Variants in SPATA13 observed in about 807,000 individuals in gnomAD.
SPATA13 encodes spermatogenesis-associated protein 13.
A neutral mutation model predicts 104.0 loss-of-function variants in SPATA13; 50 were observed. The ratio of observed to expected loss-of-function variants is 0.48; its 90% CI spans 0.38 to 0.61. The LOEUF is 0.61. Ranked by LOEUF, SPATA13 falls within the 20% of genes least tolerant of loss-of-function variation. The pLI is 0.00. For synonymous variants in SPATA13, 606 were observed against 667.5 expected, an observed-to-expected ratio of 0.91 and a Z score of 1.42; for missense variants, 1,524 against 1,690.6, an observed-to-expected ratio of 0.90 and a Z score of 1.73.
intron 3 of SPATA13, among the ~76,000 whole-genome samples, chr13:24,138,750 A>AT (rs11354139): frequency 0.079 from 8,869 of 112,548 alleles, 455 homozygotes; most frequent in East Asian, 0.17. Context: ...CCCCTGGCTA[A>AT]TTTTTTTTTT....
chr13:24,139,948 G>T (rs1881699778), intron 3 of SPATA13, among the ~76,000 whole-genome samples: 1 of 151,946 alleles, frequency 6.6e-6, no homozygotes, highest in South Asian at 2.1e-4. Flanking sequence ...GGCACCTGTA[G>T]TCCCAGCTAC....
intron 1 of SPATA13, among the ~76,000 whole-genome samples, chr13:24,179,230 A>G (rs1868630764): frequency 1.3e-5 from 2 of 152,228 alleles, no homozygotes; most frequent in African/African-American, 4.8e-5. Context: ...ATAATATGCT[A>G]TGAACATTTG....
chr13:24,118,915 T>TCTTTTCTTTTC (rs1566110469), intron 3 of SPATA13, among the ~76,000 whole-genome samples: 1 of 147,588 alleles, frequency 6.8e-6, no homozygotes, highest in Non-Finnish European at 1.5e-5. Flanking sequence ...TCTTTTCTTT[T>TCTTTTCTTTTC]TTTTTTTTGA....
At chr13:24,079,784 A>C (rs984969687) in intron 3 of SPATA13, among the ~76,000 whole-genome samples, 1 of 152,046 alleles carries the variant, frequency 6.6e-6, no homozygotes, top group Non-Finnish European at 1.5e-5. Flanking sequence ...CATCTTATAG[A>C]ATTGCAATTT....
chr13:24,160,277 G>A (rs1882414560), upstream of SPATA13, among the ~76,000 whole-genome samples: 1 of 152,226 alleles, frequency 6.6e-6, no homozygotes, highest in South Asian at 2.1e-4. Flanking sequence ...ACGGAGTCTG[G>A]CTGTGTCCTC....
At chr13:24,211,702 C>T (rs777404028) in intron 1 of SPATA13, among the ~76,000 whole-genome samples, 4 of 152,272 alleles carry the variant, frequency 2.6e-5, no homozygotes, top group Non-Finnish European at 5.9e-5. Flanking sequence ...CCCCAGCCCA[C>T]GGCCAGGATT....
intron 3 of SPATA13, among the ~76,000 whole-genome samples, chr13:24,024,878 G>A (rs1299198340): frequency 6.6e-6 from 1 of 150,988 alleles, no homozygotes; most frequent in African/African-American, 2.4e-5. Flanking sequence ...GGGTAACATA[G>A]CGAGAACCCC....
chr13:24,174,982 GATTT>G, intron 1 of SPATA13, among the ~76,000 whole-genome samples: 1 of 152,170 alleles, frequency 6.6e-6, no homozygotes, highest in Non-Finnish European at 1.5e-5. Flanking sequence ...TTCTGTTACT[GATTT>G]CTAGTTTAAT....
intron 3 of SPATA13, among the ~76,000 whole-genome samples, chr13:24,027,640 A>G (rs1877289870): frequency 6.6e-6 from 1 of 151,940 alleles, no homozygotes; most frequent in South Asian, 2.1e-4. Context: ...TAGTTCATTA[A>G]TGTTCAGTTC....
At chr13:24,194,476 A>T (rs1278712673) in intron 1 of SPATA13, among the ~76,000 whole-genome samples, 1 of 152,138 alleles carries the variant, frequency 6.6e-6, no homozygotes, top group Admixed American at 6.5e-5. Flanking sequence ...AGCTCTGTGA[A>T]ATAGGAGAAA....
Position 24,223,912 on chromosome 13 carries a change from C to G in SPATA13, c.983C>G (p.Thr328Ser), listed in dbSNP as rs1871765939. 2 of 1,551,620 alleles carry G rather than the reference C, an allele frequency of 1.3e-6. No individual in the cohort carries two copies. Among genetic ancestry groups the G allele is most frequent in the East Asian group, 4.9e-5 (2 of 40,904 alleles). The change falls in exon 2 of 13, where the codon ACT (threonine) becomes AGT (serine). Residue 328 changes from threonine (T) to serine (S), a missense_variant. Physicochemically the swap from Thr to Ser is moderately conservative, Grantham distance 58 (BLOSUM62 1). This residue lies in a region of SPATA13 where 1,089 missense variants were observed against 1,135.9 expected (regional missense o/e 0.96). Coordinates refer to ENST00000382108, the MANE Select transcript of SPATA13 (RefSeq NM_001166271.3). ...GTCTTCAAACTTGTGAGCAATGTGA[C>G]TGAGGCTGCCTGGAGGAGGGAGAGT... ...DRVFKLVSNV[T>S]EAAWRRESPR...
intron 4 of SPATA13, among the ~76,000 whole-genome samples, chr13:24,256,323 G>C (rs992356238): frequency 1.5e-4 from 23 of 152,188 alleles, no homozygotes; most frequent in African/African-American, 5.3e-4. Flanking sequence ...AAAATAGCTA[G>C]AAGAGAGGAT....
In SPATA13 at chr13:24,286,834, G is replaced by T; in HGVS notation, c.2551G>T (p.Ala851Ser). The T allele has an allele frequency of 6.2e-7, 1 of 1,613,612 alleles. No individual in the cohort carries two copies. The highest frequency in any genetic ancestry group is 8.5e-7 in the Non-Finnish European group (1 of 1,179,990). Residue 851 changes from alanine to serine, a missense_variant, in exon 7 of 13, where the codon GCC becomes TCC. Around this residue, in one of 2 missense-constraint regions of SPATA13, gnomAD observed 1,089 missense variants for 1,135.9 expected, o/e 0.96. Coordinates refer to ENST00000382108, the MANE Select transcript of SPATA13 (RefSeq NM_001166271.3). This position sits in a 1 kb window ranked among gnomAD's most constrained non-coding sequence, Gnocchi z 4.9. ...STPSEEQDEE[A>S]SQSRHRHCEN... Reference sequence around the variant, plus strand: ...CCCCAGTGAGGAGCAGGACGAGGAGGCCAGCCAGAGCCGCCACAGACACTG... The same window carrying T: ...CCCCAGTGAGGAGCAGGACGAGGAGTCCAGCCAGAGCCGCCACAGACACTG...
At position 24,204,313 on chromosome 13, in the gene SPATA13, G is replaced by A. The variant is rs138096588; in HGVS notation, c.-111-18506G>A. ...GAAACACTGTGTTCAGAAAACGATA[G>A]GAAAATTGTGAATCTTCCTGAATCA... On this transcript the variant is annotated intron_variant, in intron 1 of 12. Transcript: ENST00000382108. 8.5e-5 allele frequency among the ~76,000 whole-genome samples: 13 copies of A among 152,232 alleles called. No homozygotes were observed. The East Asian group carries it at 2.3e-3, about 27-fold the overall frequency.
At chr13:24,157,413 C>T (rs1178072093), upstream of SPATA13, among the ~76,000 whole-genome samples, 1 of 152,186 alleles carries the variant, frequency 6.6e-6, no homozygotes, top group Admixed American at 6.5e-5. Context: ...ATTCTTCTGC[C>T]TTAGCCTCCG....
chr13:24,164,561 T>C (rs950968070), intron 1 of SPATA13, among the ~76,000 whole-genome samples: 1 of 152,224 alleles, frequency 6.6e-6, no homozygotes, highest in Non-Finnish European at 1.5e-5. Flanking sequence ...AGGTATCCTC[T>C]GTGTTCTGTG....
intron 3 of SPATA13, among the ~76,000 whole-genome samples, chr13:24,094,565 A>G (rs146285533): frequency 2.0e-5 from 3 of 152,306 alleles, no homozygotes; most frequent in Non-Finnish European, 4.4e-5. Flanking sequence ...CTTTATGCTT[A>G]AAATGTTTTT....
At chr13:23,982,925 C>T (rs1874968865) in intron 1 of SPATA13, among the ~76,000 whole-genome samples, 1 of 152,232 alleles carries the variant, frequency 6.6e-6, no homozygotes. Context: ...CCCTCACCTC[C>T]TCAAGGCTGC....
intron 1 of SPATA13, among the ~76,000 whole-genome samples, chr13:24,195,506 A>G (rs1870004628): frequency 6.6e-6 from 1 of 152,122 alleles, no homozygotes; most frequent in South Asian, 2.1e-4. Context: ...TCTATGTTTC[A>G]TATTTTTAGG....
Sources: allele counts gnomAD v4.1 joint callset (sites outside exome capture counted in the v4.1 genomes callset), GRCh38; gene constraint gnomAD v4.1.1; regional missense constraint gnomAD v4.1.1; non-coding constraint Gnocchi (gnomAD v3.1); transcripts MANE v1.5; gene names NCBI Gene and HGNC (gene_info 2026-07-23, HGNC 2026-07-21).